Variants in NCOR2 observed in about 807,000 individuals in gnomAD.
The protein encoded by NCOR2 is CTG repeat protein 26.
A neutral mutation model predicts 262.9 loss-of-function variants in NCOR2; 81 were observed. The observed-to-expected ratio is 0.31, with a 90% CI of 0.26 to 0.37. NCOR2 has a LOEUF of 0.37. Among genes scored for constraint, NCOR2 ranks in the 10% least tolerant of loss-of-function variants. The pLI is 1.00. For missense variants in NCOR2, 3,385 were observed against 3,621.4 expected (o/e 0.93, Z 1.68); for synonymous variants, 1,659 against 1,559.3 (o/e 1.06, Z -1.51).
Position 124,400,715 on chromosome 12 carries a change from C to T in NCOR2, c.1641-42G>A, listed in dbSNP as rs186753355. 4.1e-4 allele frequency: 664 copies of T among 1,601,334 alleles called. 3 individuals are homozygous for T. In the African/African-American group the frequency reaches 6.9e-3, roughly 17 times the overall value. On this transcript the variant is annotated intron_variant, in intron 14 of 46. Transcript: ENST00000405201. ...GGAGATAGGATGGCTTCACCCGAGC[C>T]GGGAAATCAAACAGCCACTGGAGGA... is the stretch of plus-strand genomic sequence containing the variant.
chr12:124,361,529 G>C (rs2038592387), intron 22 of NCOR2, among the ~76,000 whole-genome samples: 1 of 152,218 alleles, frequency 6.6e-6, no homozygotes, highest in Admixed American at 6.5e-5. Flanking sequence ...GGTGTGCCCG[G>C]GGCAGTCCCT....
chr12:124,384,310 C>A (rs921956716), intron 17 of NCOR2, among the ~76,000 whole-genome samples: 3 of 152,226 alleles, frequency 2.0e-5, no homozygotes, highest in African/African-American at 4.8e-5. Context: ...GCACATTCAG[C>A]CAGATGCGGT....
At position 124,394,457 on chromosome 12, in the gene NCOR2, A is replaced by G. The variant is rs76229050; in HGVS notation, c.1876+3662T>C. Among the ~76,000 whole-genome samples the G allele has an allele frequency of 5.5e-3, 843 of 152,306 alleles. 9 individuals carry two copies. Among genetic ancestry groups the G allele is most frequent in the African/African-American group, 0.019 (807 of 41,576 alleles). On this transcript the variant is annotated intron_variant, in intron 16 of 46. Coordinates refer to ENST00000405201, the Ensembl canonical transcript of NCOR2. ...CTGGGTTGGAGAGCATCCCCCCAAC[A>G]TTTTGTGTCCACCAGAACCTATGAA...
Position 124,350,762 on chromosome 12 carries a change from CCA to C in NCOR2, c.3694-27_3694-26del, listed in dbSNP as rs764969710. On this transcript the variant is annotated intron_variant, in intron 27 of 46. Coordinates refer to ENST00000405201, the Ensembl canonical transcript of NCOR2. Reference sequence around the variant, plus strand: ...CCTGCAGGTGCAGAGGGGTGAGCGCCCAGGAGGCTGCAGCCCAGGACCCCTCT... The same window carrying C: ...CCTGCAGGTGCAGAGGGGTGAGCGCCGGAGGCTGCAGCCCAGGACCCCTCT... The C allele has an allele frequency of 6.3e-6, 10 of 1,599,226 alleles. No homozygotes were observed. The East Asian group carries it at 1.3e-4, about 21-fold the overall frequency.
chr12:124,336,732 C>A (rs1232472199), intron 38 of NCOR2, 21 bp downstream of exon 40: 1 of 1,610,666 alleles, frequency 6.2e-7, no homozygotes, highest in Non-Finnish European at 8.5e-7. Flanking sequence ...ATGAAGGTGG[C>A]CGCTGTCAGG....
chr12:124,552,731 C>T (rs965404972), intron 1 of NCOR2, among the ~76,000 whole-genome samples: 4 of 152,130 alleles, frequency 2.6e-5, no homozygotes, highest in African/African-American at 7.2e-5. Context: ...CTTGGTCACC[C>T]GGGCTGGAGT....
chr12:124,541,535 G>A lies in NCOR2; in HGVS notation c.-164-5924C>T, dbSNP rs369260732. On this transcript the variant is annotated intron_variant, in intron 1 of 32. Transcript: ENST00000458234. ...AGGGGTGGGGAGTGGAGATGGAGAGGGAAGGGGAGTGGTGATGGAGGGGTA... is the reference window on the plus strand; with the variant it reads ...AGGGGTGGGGAGTGGAGATGGAGAGAGAAGGGGAGTGGTGATGGAGGGGTA... Among the ~76,000 whole-genome samples the A allele has an allele frequency of 4.7e-4, 12 of 25,586 alleles. No individual in the cohort carries two copies. In the East Asian group the frequency reaches 9.5e-3, roughly 20 times the overall value. The allele number at this position is 25,586 out of a possible 152,430, so 16.8% of individuals were successfully genotyped here. A position where few individuals can be genotyped will look rare whatever the true frequency, so the allele number is the denominator to read the frequency against.
chr12:124,325,374 A>ACCGCCC, exon 47 of NCOR2: 12 of 316,294 alleles, frequency 3.8e-5, no homozygotes, highest in South Asian at 1.0e-4. Flanking sequence ...GGGACCTGAC[A>ACCGCCC]CCGCCCCCCC....
exon 45 of NCOR2, chr12:124,327,490 G>C: frequency 6.2e-7 from 1 of 1,613,788 alleles, no homozygotes; most frequent in Non-Finnish European, 8.5e-7. Flanking sequence ...CTGGCATTCA[G>C]AGGGTTAAAA....
chr12:124,402,267 C>A (rs558230450), intron 14 of NCOR2, 137 bp downstream of exon 16: 3 of 1,493,706 alleles, frequency 2.0e-6, no homozygotes, highest in South Asian at 1.3e-5. Flanking sequence ...CAGGGGCAAA[C>A]GAGCAGAAAG....
chr12:124,509,318 C>G (rs1382560036), intron 1 of NCOR2, among the ~76,000 whole-genome samples: 3 of 146,096 alleles, frequency 2.1e-5, no homozygotes, highest in Non-Finnish European at 3.0e-5. Context: ...ATATTGGGAA[C>G]AAGAAGCTGT....
chr12:124,528,038 A>G (rs2050576606), intron 1 of NCOR2, among the ~76,000 whole-genome samples: 1 of 152,178 alleles, frequency 6.6e-6, no homozygotes, highest in Admixed American at 6.5e-5. Flanking sequence ...GGATGGCCCG[A>G]GGCCTCCTGA....
intron 1 of NCOR2, among the ~76,000 whole-genome samples, chr12:124,528,261 G>A (rs752403047): frequency 6.6e-6 from 1 of 152,230 alleles, no homozygotes; most frequent in Non-Finnish European, 1.5e-5. Context: ...TTAAAAACAA[G>A]TACAATGACC....
chr12:124,511,890 A>T (rs1269318067), intron 1 of NCOR2, among the ~76,000 whole-genome samples: 1 of 152,214 alleles, frequency 6.6e-6, no homozygotes, highest in Admixed American at 6.5e-5. Flanking sequence ...ATGACCACAA[A>T]CCAGGAAACT....
chr12:124,526,818 T>A (rs1174804082), intron 1 of NCOR2, among the ~76,000 whole-genome samples: 3 of 152,002 alleles, frequency 2.0e-5, no homozygotes, highest in Non-Finnish European at 2.9e-5. Context: ...AAGAAGCAGC[T>A]AGAATCCCAG....
At chr12:124,511,875 T>C (rs1188140917) in intron 1 of NCOR2, among the ~76,000 whole-genome samples, 1 of 152,214 alleles carries the variant, frequency 6.6e-6, no homozygotes, top group Admixed American at 6.5e-5. Context: ...AGGGCTGCCA[T>C]AAAAATGACC....
At chr12:124,510,844 C>T (rs1327637871) in intron 1 of NCOR2, among the ~76,000 whole-genome samples, 1 of 152,138 alleles carries the variant, frequency 6.6e-6, no homozygotes, top group African/African-American at 2.4e-5. Flanking sequence ...CCACCCCGGG[C>T]CCAGGAGGAG....
chr12:124,489,740 C>T (rs1409482570), intron 1 of NCOR2, among the ~76,000 whole-genome samples: 1 of 152,182 alleles, frequency 6.6e-6, no homozygotes, highest in Non-Finnish European at 1.5e-5. Context: ...CAGAAAAAGC[C>T]ATTCATCCAG....
chr12:124,366,090 A>G (rs1352709523), intron 20 of NCOR2, among the ~76,000 whole-genome samples: 1 of 152,218 alleles, frequency 6.6e-6, no homozygotes, highest in Non-Finnish European at 1.5e-5. Context: ...ACTCCTAGGC[A>G]CACACCAGGC....
Sources: allele counts gnomAD v4.1 joint callset (sites outside exome capture counted in the v4.1 genomes callset), GRCh38; gene constraint gnomAD v4.1.1; transcripts MANE v1.5; gene names NCBI Gene and HGNC (gene_info 2026-07-23, HGNC 2026-07-21).